Variants in CEACAM6 observed in about 807,000 individuals in gnomAD.
CEACAM6 encodes CEA cell adhesion molecule 6, also known as cell adhesion molecule CEACAM6.
Under a neutral mutation model 32.4 loss-of-function variants are expected in CEACAM6, and 21 were observed. That is an observed-to-expected ratio of 0.65 (90% CI 0.46 to 0.93). CEACAM6 has a LOEUF of 0.93. Ranked by LOEUF, CEACAM6 falls within the 40% of genes least tolerant of loss-of-function variation. The pLI, the probability that CEACAM6 is intolerant of heterozygous loss-of-function variation, is 0.00. For synonymous variants in CEACAM6, 184 were observed against 174.4 expected (o/e 1.06, Z -0.43); for missense variants, 406 against 432.2 (o/e 0.94, Z 0.54).
Position 41,761,219 on chromosome 19 carries a change from A to G in CEACAM6, c.425-30A>G. 4 of 1,614,086 alleles carry G rather than the reference A, an allele frequency of 2.5e-6. No individual in the cohort carries two copies. The Admixed American group carries it at 6.7e-5, about 27-fold the overall frequency. Reference sequence around the variant, plus strand: ...TGTGGAGGAATCAAAGGTGCCACACAGGGCAATCTTCTCTCTGTTTTCTGC... The same window carrying G: ...TGTGGAGGAATCAAAGGTGCCACACGGGGCAATCTTCTCTCTGTTTTCTGC... On this transcript the variant is annotated intron_variant, in intron 2 of 5. Transcript: ENST00000199764.
chr19:41,766,833 C>T (rs781801882), intron 5 of CEACAM6, among the ~76,000 whole-genome samples: 3 of 151,874 alleles, frequency 2.0e-5, no homozygotes, highest in Non-Finnish European at 2.9e-5. Context: ...AGTGAAACCC[C>T]GTCTCTAGTA....
intron 2 of CEACAM6, among the ~76,000 whole-genome samples, chr19:41,757,603 C>T (rs1555821337): frequency 6.6e-6 from 1 of 152,118 alleles, no homozygotes; most frequent in East Asian, 1.9e-4. Flanking sequence ...TGCATGAGCC[C>T]ACTGCCCTGG....
chr19:41,755,977 C>T (rs2072882690), intron 1 of CEACAM6, among the ~76,000 whole-genome samples: 1 of 152,128 alleles, frequency 6.6e-6, no homozygotes, highest in South Asian at 2.1e-4. Flanking sequence ...ATCAGAACTG[C>T]ATTAGGATGA....
At chr19:41,758,554 T>C (rs983085253) in intron 2 of CEACAM6, among the ~76,000 whole-genome samples, 2 of 151,766 alleles carry the variant, frequency 1.3e-5, no homozygotes, top group Admixed American at 6.6e-5. Flanking sequence ...CATTAGAGGG[T>C]TTTCAGGTCT....
At chr19:41,759,230 ATG>A (rs2072908163) in intron 2 of CEACAM6, among the ~76,000 whole-genome samples, 1 of 152,170 alleles carries the variant, frequency 6.6e-6, no homozygotes, top group African/African-American at 2.4e-5. Context: ...CCTCATGATG[ATG>A]CCATTGTCAT....
Position 41,755,687 on chromosome 19 carries a change from G to C in CEACAM6, c.49G>C (p.Glu17Gln). The stretch of plus-strand genomic sequence containing the variant: ...CTGCAGATTGCATGTCCCCTGGAAG[G>C]AGGTCCTGCTCACAGGTGAGGGGAG... ...PPCRLHVPWKEVLLTASLLTF... is the reference protein window; with the variant it reads ...PPCRLHVPWKQVLLTASLLTF... The change falls in exon 1 of 6, where the codon GAG (glutamate) becomes CAG (glutamine). Residue 17 changes from glutamate to glutamine, a missense_variant. Physicochemically the swap from Glu to Gln is conservative, Grantham distance 29. Transcript: ENST00000199764. The C allele has an allele frequency of 6.2e-7, 1 of 1,606,056 alleles. No individual in the cohort carries two copies. The highest frequency in any genetic ancestry group is 8.5e-7 in the Non-Finnish European group (1 of 1,176,762).
rs1555821835 is a variant in CEACAM6, at chr19:41,761,363, T to C, written c.539T>C (p.Val180Ala). The change falls in exon 3 of 6, where the codon GTA becomes GCA. Residue 180 changes from valine to alanine, a missense_variant. By Grantham distance (64) the Val-to-Ala change is moderately conservative. Transcript: ENST00000199764. Reference sequence around the variant, plus strand: ...CAGAACACAACCTACCTGTGGTGGGTAAATGGTCAGAGCCTCCCGGTCAGT... The same window carrying C: ...CAGAACACAACCTACCTGTGGTGGGCAAATGGTCAGAGCCTCCCGGTCAGT... ...EVQNTTYLWW[V>A]NGQSLPVSPR... is the part of the protein sequence containing the mutation. 6.2e-7 allele frequency: 1 copy of C among 1,614,104 alleles called. No homozygotes were observed. Among genetic ancestry groups the C allele is most frequent in the East Asian group, 2.2e-5 (1 of 44,872 alleles).
chr19:41,761,894 G>T, intron 3 of CEACAM6, 75 bp from the exon 4 acceptor site: 1 of 1,556,388 alleles, frequency 6.4e-7, no homozygotes. Context: ...GGGGGACACC[G>T]TGGCCCTTCC....
rs1377303089 is a variant in CEACAM6, at chr19:41,756,786, T to C, written c.251T>C (p.Ile84Thr). The change falls in exon 2 of 6, where the codon ATA (isoleucine) becomes ACA (threonine). Residue 84 changes from isoleucine to threonine, a missense_variant. By Grantham distance (89) the Ile-to-Thr change is moderately conservative. Transcript: ENST00000199764. Reference protein sequence around the residue: ...DGNSLIVGYVIGTQQATPGPA... With the variant: ...DGNSLIVGYVTGTQQATPGPA... ...AACAGTCTAATTGTAGGATATGTAA[T>C]AGGAACTCAACAAGCTACCCCAGGG... The C allele has an allele frequency of 1.2e-6, 2 of 1,613,904 alleles. No homozygotes were observed. The highest frequency in any genetic ancestry group is 1.3e-5 in the African/African-American group (1 of 74,850).
At chr19:41,764,230 A>G (rs537238797) in intron 4 of CEACAM6, among the ~76,000 whole-genome samples, 4 of 152,158 alleles carry the variant, frequency 2.6e-5, no homozygotes, top group Non-Finnish European at 5.9e-5. Flanking sequence ...GTTGGCATAC[A>G]ATTATTTACC....
At chr19:41,761,166 G>T in intron 2 of CEACAM6, 83 bp from the exon 3 acceptor site, 2 of 1,599,174 alleles carry the variant, frequency 1.3e-6, no homozygotes, top group South Asian at 1.1e-5. Flanking sequence ...TGAGAGGTGA[G>T]AGATGCCAAC....
At position 41,756,852 on chromosome 19, in the gene CEACAM6, C is replaced by T. The variant is rs782391374; in HGVS notation, c.317C>T (p.Ser106Phe). 76 of 1,614,034 alleles carry T rather than the reference C, an allele frequency of 4.7e-5. No homozygotes were observed. Among genetic ancestry groups the T allele is most frequent in the Non-Finnish European group, 6.4e-5 (75 of 1,180,032 alleles). The change falls in exon 2 of 6, where the codon TCC becomes TTC. Residue 106 changes from serine to phenylalanine, a missense_variant. Ser to Phe is a radical substitution (Grantham distance 155, BLOSUM62 -2). Transcript: ENST00000199764. ...SGRETIYPNA[S>F]LLIQNVTQND... Reference sequence around the variant, plus strand: ...CGAGAGACAATATACCCCAATGCATCCCTGCTGATCCAGAACGTCACCCAG... The same window carrying T: ...CGAGAGACAATATACCCCAATGCATTCCTGCTGATCCAGAACGTCACCCAG...
chr19:41,766,613 T>C (rs2072957873), intron 5 of CEACAM6, among the ~76,000 whole-genome samples: 1 of 152,184 alleles, frequency 6.6e-6, no homozygotes. Context: ...CCTCAATAAT[T>C]GTTCAACATC....
intron 4 of CEACAM6, among the ~76,000 whole-genome samples, chr19:41,762,511 C>T (rs947915379): frequency 6.6e-6 from 1 of 152,118 alleles, no homozygotes; most frequent in East Asian, 1.9e-4. Context: ...AGGGGCTTCA[C>T]AGAGAAAAAA....
Position 41,769,222 on chromosome 19 carries a change from G to A in CEACAM6, c.*41-1580G>A, listed in dbSNP as rs1435340820. Among the ~76,000 whole-genome samples the A allele has an allele frequency of 2.6e-5, 4 of 152,224 alleles. No individual in the cohort carries two copies. The East Asian group carries it at 7.7e-4, about 29-fold the overall frequency. Reference sequence around the variant, plus strand: ...AGCCTCCCAAAGTGCTCGGATTACAGGCATGAACCACCGCGCCCAGCCCCG... The same window carrying A: ...AGCCTCCCAAAGTGCTCGGATTACAAGCATGAACCACCGCGCCCAGCCCCG... On this transcript the variant is annotated intron_variant, in intron 5 of 5. Coordinates refer to ENST00000199764, the MANE Select transcript of CEACAM6 (RefSeq NM_002483.7).
intron 5 of CEACAM6, among the ~76,000 whole-genome samples, chr19:41,768,815 G>C (rs2072973863): frequency 6.6e-6 from 1 of 152,158 alleles, no homozygotes; most frequent in Non-Finnish European, 1.5e-5. Flanking sequence ...GGGCAGAGGC[G>C]CCCCTCACCT....
chr19:41,768,045 G>A (rs1413846117), intron 5 of CEACAM6, among the ~76,000 whole-genome samples: 1 of 151,992 alleles, frequency 6.6e-6, no homozygotes, highest in Non-Finnish European at 1.5e-5. Context: ...GTAACTAAAT[G>A]TCTATGGGAG....
chr19:41,759,493 T>C (rs1555821536), intron 2 of CEACAM6, among the ~76,000 whole-genome samples: 1 of 152,224 alleles, frequency 6.6e-6, no homozygotes. Context: ...CCTTCCTTTA[T>C]GTAACTGACA....
intron 4 of CEACAM6, 151 bp downstream of exon 4, chr19:41,762,374 CA>C (rs1348637740): frequency 1.6e-5 from 14 of 868,582 alleles, no homozygotes; most frequent in South Asian, 1.3e-4. Context: ...TTCACCTCTG[CA>C]GACTCTTTTC....
Sources: gnomAD v4.1 joint callset for allele counts (sites outside exome capture counted in the v4.1 genomes callset) on GRCh38, gnomAD v4.1.1 for gene constraint, MANE v1.5 for transcripts, NCBI Gene and HGNC (gene_info 2026-07-23, HGNC 2026-07-21) for gene names.